Variants in TUSC3 observed in about 807,000 individuals in gnomAD.
TUSC3 encodes dolichyl-diphosphooligosaccharide--protein glycosyltransferase subunit TUSC3.
Under a neutral mutation model 44.8 loss-of-function variants are expected in TUSC3, and 45 were observed. That is an observed-to-expected ratio of 1.00 (90% CI 0.79 to 1.29). TUSC3 has a LOEUF of 1.29. TUSC3 is among the 50% of genes most tolerant of loss of function. The pLI is 0.00. For synonymous variants in TUSC3, 212 were observed against 152.9 expected (o/e 1.39, Z -2.85); for missense variants, 519 against 437.9 (o/e 1.19, Z -1.65).
chr8:15,449,630 C>T (rs1379400409), intron 1 of TUSC3, among the ~76,000 whole-genome samples: 4 of 152,132 alleles, frequency 2.6e-5, no homozygotes, highest in South Asian at 2.1e-4. Flanking sequence ...TATAATGAGG[C>T]GTCTTACCTC....
chr8:15,696,892 G>C (rs755185187), intron 6 of TUSC3, among the ~76,000 whole-genome samples: 1 of 152,036 alleles, frequency 6.6e-6, no homozygotes, highest in Non-Finnish European at 1.5e-5. Flanking sequence ...TGAATGTCTG[G>C]TAGAATTCTG....
intron 2 of TUSC3, 76 bp from the exon 3 acceptor site, chr8:15,650,621 G>A: frequency 2.4e-6 from 3 of 1,254,090 alleles, no homozygotes; most frequent in Admixed American, 3.4e-5. Flanking sequence ...TTGTCCTAGG[G>A]TTGTCTGTTT....
At chr8:15,795,674 A>G in the TUSC3 span, among the ~76,000 whole-genome samples, 2 of 152,236 alleles carry the variant, frequency 1.3e-5, no homozygotes, top group African/African-American at 4.8e-5. Flanking sequence ...AGTCCCTGGA[A>G]AGAAGGCATT....
intron 1 of TUSC3, among the ~76,000 whole-genome samples, chr8:15,423,981 T>TG (rs1563247213): frequency 3.4e-5 from 2 of 58,496 alleles, no homozygotes; most frequent in Admixed American, 1.5e-4. Context: ...TTTTTTTTTT[T>TG]TTTTTTTTTT....
the TUSC3 span, among the ~76,000 whole-genome samples, chr8:15,791,981 A>T: frequency 6.6e-6 from 1 of 152,162 alleles, no homozygotes; most frequent in Admixed American, 6.5e-5. Flanking sequence ...AGGAGCGTTC[A>T]AGACATTCCT....
chr8:15,819,498 C>A, the TUSC3 span, among the ~76,000 whole-genome samples: 2 of 152,152 alleles, frequency 1.3e-5, no homozygotes. Flanking sequence ...TTTCAGACCT[C>A]ATTTTTAACT....
chr8:15,555,276 ATTTTT>A (rs35757466), intron 1 of TUSC3, among the ~76,000 whole-genome samples: 74 of 44,880 alleles, frequency 1.6e-3, no homozygotes, highest in African/African-American at 4.6e-3. Context: ...TGCCAGGCTA[ATTTTT>A]TTTTTTTTTT....
At chr8:15,586,176 T>C (rs1386090283) in intron 1 of TUSC3, among the ~76,000 whole-genome samples, 1 of 152,192 alleles carries the variant, frequency 6.6e-6, no homozygotes, top group African/African-American at 2.4e-5. Flanking sequence ...AAAGGTCATT[T>C]TTAGTTGGCC....
intron 1 of TUSC3, among the ~76,000 whole-genome samples, chr8:15,616,618 A>G (rs964877331): frequency 6.6e-6 from 1 of 152,212 alleles, no homozygotes; most frequent in Non-Finnish European, 1.5e-5. Flanking sequence ...AAATAAATTC[A>G]AATATGTTAA....
the TUSC3 span, among the ~76,000 whole-genome samples, chr8:15,809,256 C>T: frequency 1.9e-4 from 29 of 152,292 alleles, 1 homozygote; most frequent in Admixed American, 5.9e-4. Flanking sequence ...TTTCCCTGGT[C>T]AGGTCACAGT....
chr8:15,762,990 A>G (rs1183178511), intron 10 of TUSC3, among the ~76,000 whole-genome samples: 1 of 152,030 alleles, frequency 6.6e-6, no homozygotes, highest in East Asian at 1.9e-4. Flanking sequence ...TTGCATCCTG[A>G]TATCACCACA....
intron 9 of TUSC3, among the ~76,000 whole-genome samples, chr8:15,751,237 C>A (rs965766448): frequency 6.6e-6 from 1 of 151,928 alleles, no homozygotes; most frequent in African/African-American, 2.4e-5. Flanking sequence ...TATGGAGAAG[C>A]AAGGAAGACA....
At chr8:15,571,359 C>A (rs1299331646) in intron 1 of TUSC3, among the ~76,000 whole-genome samples, 1 of 152,078 alleles carries the variant, frequency 6.6e-6, no homozygotes, top group Non-Finnish European at 1.5e-5. Context: ...GCAAATATTA[C>A]AATAAAGAGT....
chr8:15,799,517 AC>A, the TUSC3 span, among the ~76,000 whole-genome samples: 2 of 152,126 alleles, frequency 1.3e-5, no homozygotes, highest in Non-Finnish European at 2.9e-5. Context: ...GATGTTTTGA[AC>A]CTGCTTCCTG....
rs150368776 is a variant in TUSC3 at position 15,563,685 on chromosome 8, C to CAAAAA, written c.138+23133_138+23137dup. Among the ~76,000 whole-genome samples the CAAAAA allele has an allele frequency of 1.9e-3, 149 of 79,912 alleles. 5 individuals carry two copies. Among genetic ancestry groups the CAAAAA allele is most frequent in the African/African-American group, 6.8e-3 (125 of 18,252 alleles). 52.4% of individuals were successfully genotyped at this position (79,912 alleles called of 152,430 possible). A position where few individuals can be genotyped will look rare whatever the true frequency, so the allele number is the denominator to read the frequency against. On this transcript the variant is annotated intron_variant, in intron 1 of 10. Transcript: ENST00000503731. ...TGAGTGACAGAGTGAGCCTCCATCT[C>CAAAAA]AAAAAAAAAAAAAAAAAAAAGAACA...
chr8:15,584,344 A>G (rs1803506786), intron 1 of TUSC3, among the ~76,000 whole-genome samples: 1 of 152,198 alleles, frequency 6.6e-6, no homozygotes, highest in South Asian at 2.1e-4. Flanking sequence ...TATAAAAGCG[A>G]GAAAAGATTC....
At chr8:15,636,363 A>T (rs999364936) in intron 2 of TUSC3, among the ~76,000 whole-genome samples, 3 of 152,128 alleles carry the variant, frequency 2.0e-5, no homozygotes, top group Non-Finnish European at 4.4e-5. Context: ...TGTAAAACTG[A>T]TGGGTGGCCA....
intron 1 of TUSC3, among the ~76,000 whole-genome samples, chr8:15,586,071 A>G (rs1803589244): frequency 6.6e-6 from 1 of 151,354 alleles, no homozygotes; most frequent in Non-Finnish European, 1.5e-5. Flanking sequence ...GTCAGAAACC[A>G]GGAAAAATAT....
the TUSC3 span, among the ~76,000 whole-genome samples, chr8:15,841,182 T>TAC: frequency 0.033 from 4,941 of 152,004 alleles, 167 homozygotes; most frequent in East Asian, 0.19. Flanking sequence ...TATATATATA[T>TAC]ACACACACAC....
Sources: allele counts gnomAD v4.1 joint callset (sites outside exome capture counted in the v4.1 genomes callset), GRCh38; gene constraint gnomAD v4.1.1; transcripts MANE v1.5; gene names NCBI Gene and HGNC (gene_info 2026-07-23, HGNC 2026-07-21).